The following CHN1 variants were observed in gnomAD, a reference collection of about 807,000 sequenced individuals.
CHN1 encodes chimerin 1.
Under a neutral mutation model 59.5 loss-of-function variants are expected in CHN1, and 37 were observed. That is an observed-to-expected ratio of 0.62 (90% CI 0.48 to 0.82). CHN1 has a LOEUF of 0.82. Ranked by LOEUF, CHN1 falls within the 40% of genes least tolerant of loss-of-function variation. The pLI, the probability that CHN1 is intolerant of heterozygous loss-of-function variation, is 0.00. For missense variants in CHN1, 469 were observed against 571.0 expected, an observed-to-expected ratio of 0.82 and a Z score of 1.82; for synonymous variants, 206 against 200.4, an observed-to-expected ratio of 1.03 and a Z score of -0.24.
At chr2:174,804,039 A>G (rs1684811273) in intron 11 of CHN1, among the ~76,000 whole-genome samples, 1 of 152,234 alleles carries the variant, frequency 6.6e-6, no homozygotes, top group African/African-American at 2.4e-5. Context: ...GTGACTGACA[A>G]TAAACCATGA....
intron 5 of CHN1, among the ~76,000 whole-genome samples, chr2:174,906,139 T>C (rs1399066779): frequency 6.6e-6 from 1 of 152,118 alleles, no homozygotes; most frequent in Non-Finnish European, 1.5e-5. Flanking sequence ...AATAAAAACA[T>C]ATGTTTATAC....
chr2:174,952,781 T>C (rs1282417407), intron 1 of CHN1, among the ~76,000 whole-genome samples: 1 of 152,212 alleles, frequency 6.6e-6, no homozygotes, highest in Non-Finnish European at 1.5e-5. Flanking sequence ...AGAGTGTATC[T>C]AGGGAACCAC....
chr2:174,968,232 T>C (rs1466307022), intron 1 of CHN1, among the ~76,000 whole-genome samples: 1 of 152,212 alleles, frequency 6.6e-6, no homozygotes, highest in Non-Finnish European at 1.5e-5. Context: ...TTTCATCTTA[T>C]TTTGATCATT....
Position 174,952,117 on chromosome 2 carries a change from T to C in CHN1, c.58+47A>G, listed in dbSNP as rs755282870. On this transcript the variant is annotated intron_variant, in intron 2 of 12. Transcript: ENST00000409900. Reference sequence around the variant, plus strand: ...TCTATCTAATAATCCCATATTTTTATATTACTTATAAAGCACTATAACCCA... The same window carrying C: ...TCTATCTAATAATCCCATATTTTTACATTACTTATAAAGCACTATAACCCA... The C allele has an allele frequency of 7.1e-6, 8 of 1,133,448 alleles. No homozygotes were observed. The Admixed American group carries it at 1.0e-4, about 15-fold the overall frequency. 70.2% of individuals were successfully genotyped at this position (1,133,448 alleles called of 1,614,324 possible).
intron 4 of CHN1, among the ~76,000 whole-genome samples, chr2:174,916,477 A>T (rs1430194080): frequency 2.0e-5 from 3 of 152,214 alleles, no homozygotes; most frequent in African/African-American, 7.2e-5. Context: ...TCATTGCTCA[A>T]AAGAAATTTT....
At chr2:174,844,772 C>G (rs1181592017) in intron 7 of CHN1, among the ~76,000 whole-genome samples, 1 of 152,068 alleles carries the variant, frequency 6.6e-6, no homozygotes, top group East Asian at 1.9e-4. Context: ...TTTTAAATAA[C>G]AGAGAGTAAC....
At chr2:174,831,838 A>G (rs1179650724) in intron 7 of CHN1, among the ~76,000 whole-genome samples, 3 of 152,186 alleles carry the variant, frequency 2.0e-5, no homozygotes, top group Non-Finnish European at 4.4e-5. Flanking sequence ...TTCAAATATT[A>G]GTAAAAATCA....
rs566431069 is a variant in CHN1 at position 174,799,412 on chromosome 2, C to T, written c.*704G>A. The T allele has an allele frequency of 2.3e-5, 10 of 443,892 alleles. No homozygotes were observed. The highest frequency in any genetic ancestry group is 3.4e-5 in the Non-Finnish European group (8 of 234,240). The allele number at this position is 443,892 out of a possible 1,614,324, so 27.5% of individuals were successfully genotyped here. ...TATCAATATTTTTTATTTCTAAAAGCCAATTTAATAAATTAATAAACGCAT... is the reference window on the plus strand; with the variant it reads ...TATCAATATTTTTTATTTCTAAAAGTCAATTTAATAAATTAATAAACGCAT... On this transcript the variant is annotated 3_prime_UTR_variant, in exon 13 of 13. Coordinates refer to ENST00000409900, the MANE Select transcript of CHN1 (RefSeq NM_001822.7).
chr2:174,816,680 C>T (rs775305296), intron 8 of CHN1, among the ~76,000 whole-genome samples: 2 of 152,074 alleles, frequency 1.3e-5, no homozygotes, highest in Non-Finnish European at 2.9e-5. Flanking sequence ...GCTTAGTCTG[C>T]CTTCCAACTT....
chr2:174,840,358 GTCTC>G (rs1686253057), intron 7 of CHN1, among the ~76,000 whole-genome samples: 1 of 151,682 alleles, frequency 6.6e-6, no homozygotes, highest in Non-Finnish European at 1.5e-5. Flanking sequence ...TAAAGACAAG[GTCTC>G]TCTATGTTGC....
intron 1 of CHN1, among the ~76,000 whole-genome samples, chr2:174,960,819 C>T (rs1166879300): frequency 6.6e-6 from 1 of 151,710 alleles, no homozygotes; most frequent in Non-Finnish European, 1.5e-5. Context: ...GTGACTCCGT[C>T]TCAAAAAAAA....
intron 7 of CHN1, among the ~76,000 whole-genome samples, chr2:174,840,545 G>C (rs1330514379): frequency 1.3e-5 from 2 of 151,996 alleles, no homozygotes; most frequent in Non-Finnish European, 2.9e-5. Flanking sequence ...CATATATCCA[G>C]CAGTCAAGGA....
At chr2:174,937,949 T>A (rs1406167429) in intron 3 of CHN1, among the ~76,000 whole-genome samples, 1 of 152,124 alleles carries the variant, frequency 6.6e-6, no homozygotes, top group Non-Finnish European at 1.5e-5. Flanking sequence ...AACCTCTTTT[T>A]AAAATACATT....
intron 5 of CHN1, among the ~76,000 whole-genome samples, chr2:174,913,562 GA>G (rs987588828): frequency 6.6e-6 from 1 of 151,860 alleles, no homozygotes; most frequent in African/African-American, 2.4e-5. Context: ...ATTTAAACCT[GA>G]AAAAAACAGT....
intron 5 of CHN1, among the ~76,000 whole-genome samples, chr2:174,906,879 C>G (rs114914681): frequency 0.01 from 1,597 of 152,154 alleles, 20 homozygotes; most frequent in African/African-American, 0.036. Flanking sequence ...GTTCATTGAT[C>G]AAAAACGGGT....
chr2:174,808,660 A>T (rs1261973221), intron 11 of CHN1, among the ~76,000 whole-genome samples: 14 of 151,388 alleles, frequency 9.2e-5, no homozygotes, highest in Non-Finnish European at 1.5e-5. Flanking sequence ...ACATCTAAAG[A>T]GCACTGGTAT....
chr2:174,846,794 T>C lies in CHN1; in HGVS notation c.627+86A>G, dbSNP rs182176073. The stretch of plus-strand genomic sequence containing the variant: ...GAACATTTTAGTCAAGTCATCCTAG[T>C]TTTAAAAAGACATAAGATATTCCTT... On this transcript the variant is annotated intron_variant, in intron 7 of 12. Coordinates refer to ENST00000409900, the MANE Select transcript of CHN1 (RefSeq NM_001822.7). The C allele has an allele frequency of 1.0e-5, 13 of 1,282,618 alleles. No individual in the cohort carries two copies. In the East Asian group the frequency reaches 3.3e-4, roughly 33 times the overall value. The allele number at this position is 1,282,618 out of a possible 1,614,324, so 79.5% of individuals were successfully genotyped here.
chr2:174,853,121 C>T (rs138682400), intron 6 of CHN1, among the ~76,000 whole-genome samples: 15 of 152,206 alleles, frequency 9.9e-5, no homozygotes, highest in Non-Finnish European at 1.9e-4. Flanking sequence ...AGAGCTTGTG[C>T]ACAGCAAAAG....
At chr2:174,811,249 T>A in intron 10 of CHN1, 1 of 332,164 alleles carries the variant, frequency 3.0e-6, no homozygotes, top group Non-Finnish European at 5.5e-6. Flanking sequence ...GCTCTGTATG[T>A]ATTTTGGTGA....
Sources: gnomAD v4.1 joint callset for allele counts (sites outside exome capture counted in the v4.1 genomes callset) on GRCh38, gnomAD v4.1.1 for gene constraint, MANE v1.5 for transcripts, NCBI Gene and HGNC (gene_info 2026-07-23, HGNC 2026-07-21) for gene names.